PKIB: variants seen among roughly 807,000 people sequenced by gnomAD.
PKIB encodes PKI-beta.
Under a neutral mutation model 4.5 loss-of-function variants are expected in PKIB, and 2 were observed. The observed-to-expected ratio is 0.44, with a 90% CI of 0.18 to 1.39. PKIB has a LOEUF of 1.39. Ranked by LOEUF, PKIB falls within the 40% of genes most tolerant of loss-of-function variation. PKIB has a pLI of 0.27. For missense variants in PKIB, 94 were observed against 92.6 expected (o/e 1.02, Z -0.06); for synonymous variants, 38 against 36.0 (o/e 1.06, Z -0.20).
At chr6:122,717,558 C>T in intron 3 of PKIB, 1 of 499,476 alleles carries the variant, frequency 2.0e-6, no homozygotes, top group South Asian at 3.8e-5. Flanking sequence ...TCATTCGGCT[C>T]AGGGGTTATT....
intron 2 of PKIB, among the ~76,000 whole-genome samples, chr6:122,661,837 T>C (rs1254291905): frequency 2.6e-5 from 4 of 152,210 alleles, no homozygotes; most frequent in Non-Finnish European, 5.9e-5. Flanking sequence ...CTTCCATTTC[T>C]TTATATCCTT....
intron 2 of PKIB, among the ~76,000 whole-genome samples, chr6:122,550,680 C>T (rs1323041895): frequency 6.6e-6 from 1 of 152,128 alleles, no homozygotes; most frequent in Non-Finnish European, 1.5e-5. Flanking sequence ...TTTAGAAATG[C>T]TTCAAAGCAC....
intron 2 of PKIB, among the ~76,000 whole-genome samples, chr6:122,635,968 C>T (rs180985958): frequency 2.2e-4 from 34 of 152,182 alleles, no homozygotes; most frequent in Middle Eastern, 6.8e-3. Flanking sequence ...TTTTAACCAA[C>T]GCAATAAATG....
intron 2 of PKIB, among the ~76,000 whole-genome samples, chr6:122,635,656 G>C (rs1487357404): frequency 6.6e-6 from 1 of 151,770 alleles, no homozygotes; most frequent in Non-Finnish European, 1.5e-5. Context: ...ACAACACATG[G>C]TGTTTATTCT....
At chr6:122,566,143 T>A (rs9375149) in intron 2 of PKIB, among the ~76,000 whole-genome samples, 21,446 of 152,102 alleles carry the variant, frequency 0.14, 1,578 homozygotes, top group East Asian at 0.21. Context: ...GTTGGACTTT[T>A]AGTAGACAGG....
rs565549667 is a variant in PKIB at position 122,715,679 on chromosome 6, A to G, written c.-8-2108A>G. Among the ~76,000 whole-genome samples, 248 of 151,154 alleles carry G rather than the reference A, an allele frequency of 1.6e-3. 1 individual carries two copies. The highest frequency in any genetic ancestry group is 3.5e-3 in the Admixed American group (53 of 15,154). Reference sequence around the variant, plus strand: ...TATATATATATACATACACATATATATGAACTTTAACAAACTTTTAGATAT... The same window carrying G: ...TATATATATATACATACACATATATGTGAACTTTAACAAACTTTTAGATAT... On this transcript the variant is annotated intron_variant, in intron 3 of 4. Coordinates refer to ENST00000368452, the MANE Select transcript of PKIB (RefSeq NM_181795.3).
chr6:122,517,292 A>G (rs1399190070), intron 2 of PKIB, among the ~76,000 whole-genome samples: 1 of 152,188 alleles, frequency 6.6e-6, no homozygotes, highest in Non-Finnish European at 1.5e-5. Context: ...CCCACAGGTA[A>G]CTAATATTTT....
chr6:122,564,588 T>C (rs1274789227), intron 2 of PKIB, among the ~76,000 whole-genome samples: 1 of 152,120 alleles, frequency 6.6e-6, no homozygotes, highest in Non-Finnish European at 1.5e-5. Flanking sequence ...TTCACACAAA[T>C]GAGAAAAGCG....
chr6:122,531,456 A>T (rs1777258623), intron 2 of PKIB: 1 of 152,148 alleles, frequency 6.6e-6, no homozygotes, highest in Non-Finnish European at 1.5e-5. Context: ...ATATATCCTA[A>T]ACTGATTTAT....
At chr6:122,537,506 G>A (rs971837056) in intron 2 of PKIB, among the ~76,000 whole-genome samples, 1 of 152,150 alleles carries the variant, frequency 6.6e-6, no homozygotes, top group South Asian at 2.1e-4. Flanking sequence ...CAAAGGACAT[G>A]AACTCATCAT....
intron 2 of PKIB, among the ~76,000 whole-genome samples, chr6:122,506,209 A>G (rs754898009): frequency 8.5e-5 from 13 of 152,164 alleles, no homozygotes; most frequent in Non-Finnish European, 1.5e-4. Context: ...TGAAATCAAT[A>G]CAGGTGAAAA....
intron 2 of PKIB, among the ~76,000 whole-genome samples, chr6:122,545,752 A>G (rs1024950146): frequency 2.6e-5 from 4 of 151,328 alleles, no homozygotes; most frequent in Non-Finnish European, 5.9e-5. Flanking sequence ...CAATTTACCC[A>G]TGTAACAAAC....
chr6:122,520,234 G>A (rs1392102357), intron 2 of PKIB, among the ~76,000 whole-genome samples: 1 of 152,006 alleles, frequency 6.6e-6, no homozygotes, highest in African/African-American at 2.4e-5. Context: ...TAGATTATAA[G>A]CTCCTAGAAG....
chr6:122,561,205 C>A (rs1452694312), intron 2 of PKIB, among the ~76,000 whole-genome samples: 1 of 151,868 alleles, frequency 6.6e-6, no homozygotes, highest in Non-Finnish European at 1.5e-5. Context: ...TTAGCACTGC[C>A]TTTGCTGTAT....
intron 2 of PKIB, among the ~76,000 whole-genome samples, chr6:122,646,861 G>A (rs1776339592): frequency 6.6e-6 from 1 of 151,912 alleles, no homozygotes; most frequent in Non-Finnish European, 1.5e-5. Flanking sequence ...GTACACCCTT[G>A]GGAATCATGA....
chr6:122,551,650 C>A (rs1772676516), intron 2 of PKIB, among the ~76,000 whole-genome samples: 1 of 152,114 alleles, frequency 6.6e-6, no homozygotes. Context: ...ATTGAGCCAG[C>A]ATTCTGGAAG....
At chr6:122,542,193 AT>A (rs1777626784) in intron 2 of PKIB, among the ~76,000 whole-genome samples, 2 of 151,912 alleles carry the variant, frequency 1.3e-5, no homozygotes, top group South Asian at 4.1e-4. Context: ...CGTCAAAGTC[AT>A]TGTCTGTCCA....
intron 2 of PKIB, among the ~76,000 whole-genome samples, chr6:122,572,497 T>C (rs1773395262): frequency 2.0e-5 from 3 of 151,756 alleles, no homozygotes; most frequent in African/African-American, 7.3e-5. Context: ...GGAAAGCTAA[T>C]AGTATTAAAT....
chr6:122,474,143 A>G (rs997040357), intron 1 of PKIB, among the ~76,000 whole-genome samples: 2 of 152,224 alleles, frequency 1.3e-5, no homozygotes, highest in Non-Finnish European at 2.9e-5. Flanking sequence ...CAAAACAAAC[A>G]AACAAACAAA....
Sources: gnomAD v4.1 joint callset for allele counts (sites outside exome capture counted in the v4.1 genomes callset) on GRCh38, gnomAD v4.1.1 for gene constraint, MANE v1.5 for transcripts, NCBI Gene and HGNC (gene_info 2026-07-23, HGNC 2026-07-21) for gene names.